Variants in CDH20 observed in about 807,000 individuals in gnomAD.
CDH20 encodes the protein cadherin-20.
Under a neutral mutation model 74.2 loss-of-function variants are expected in CDH20, and 29 were observed. The observed-to-expected ratio is 0.39, with a 90% confidence interval of 0.29 to 0.53. The LOEUF (loss-of-function observed/expected upper bound fraction) is 0.53, where lower values mean the gene tolerates loss of function less well. CDH20 is among the 20% of genes least tolerant of loss of function. The pLI is 0.69. For synonymous variants in CDH20, 469 were observed against 405.4 expected (o/e 1.16, Z -1.88); for missense variants, 988 against 1,048.3 (o/e 0.94, Z 0.79).
At position 61,555,489 on chromosome 18, in the gene CDH20, T is replaced by G. The variant is rs1029737322; in HGVS notation, c.*794T>G. 1.7e-5 allele frequency: 17 copies of G among 985,314 alleles called. No individual in the cohort carries two copies. Among genetic ancestry groups the G allele is most frequent in the African/African-American group, 3.5e-5 (2 of 57,252 alleles). 61.0% of individuals were successfully genotyped at this position (985,314 alleles called of 1,614,324 possible). Reference sequence around the variant, plus strand: ...TTTTGCACTGTAGATGTCTCTTCCATGTGCCAAATGTGGAGATTAGATGCT... The same window carrying G: ...TTTTGCACTGTAGATGTCTCTTCCAGGTGCCAAATGTGGAGATTAGATGCT... On this transcript the variant is annotated 3_prime_UTR_variant, in exon 12 of 12. Coordinates refer to ENST00000262717, the MANE Select transcript of CDH20 (RefSeq NM_031891.4).
At chr18:61,435,468 A>G (rs1908800092) in intron 1 of CDH20, among the ~76,000 whole-genome samples, 1 of 152,128 alleles carries the variant, frequency 6.6e-6, no homozygotes, top group Non-Finnish European at 1.5e-5. Flanking sequence ...TTCCCAGGAC[A>G]GTTTGCATCA....
chr18:61,375,933 C>CT (rs748925698), intron 1 of CDH20, among the ~76,000 whole-genome samples: 1 of 152,064 alleles, frequency 6.6e-6, no homozygotes, highest in Non-Finnish European at 1.5e-5. Context: ...TTTGTATAGA[C>CT]TTAATTATTT....
intron 1 of CDH20, among the ~76,000 whole-genome samples, chr18:61,460,184 G>A (rs537437961): frequency 6.6e-5 from 10 of 152,294 alleles, no homozygotes; most frequent in Non-Finnish European, 1.3e-4. Context: ...TGAGCTCACT[G>A]AAAGGGATTA....
intron 1 of CDH20, among the ~76,000 whole-genome samples, chr18:61,452,818 C>T (rs1280502696): frequency 6.6e-6 from 1 of 152,168 alleles, no homozygotes; most frequent in African/African-American, 2.4e-5. Context: ...AACTGTTTTA[C>T]ATTCTCCTTC....
intron 8 of CDH20, among the ~76,000 whole-genome samples, chr18:61,538,640 A>T (rs1334951965): frequency 5.4e-5 from 3 of 55,318 alleles, no homozygotes; most frequent in Non-Finnish European, 7.1e-5. Context: ...TTTTTTTGAG[A>T]CGGAGTCTTA....
At position 61,490,496 on chromosome 18, in the gene CDH20, A is replaced by G; in HGVS notation, c.-58A>G. The stretch of plus-strand genomic sequence containing the variant: ...CTGTGTATTTTTTTAAATTTGGAAA[A>G]TACTCAAGTTCCAGTTGCTTATCAT... On this transcript the variant is annotated 5_prime_UTR_variant, in exon 2 of 12. Transcript: ENST00000262717. 1 of 1,556,986 alleles carries G rather than the reference A, an allele frequency of 6.4e-7. No individual in the cohort carries two copies. The highest frequency in any genetic ancestry group is 8.8e-7 in the Non-Finnish European group (1 of 1,136,556).
chr18:61,473,358 CG>C lies in CDH20; in HGVS notation c.-152-17043del, dbSNP rs143961537. On this transcript the variant is annotated intron_variant, in intron 1 of 11. Transcript: ENST00000262717. ...TTTAACCTTCATTTACTTTTAATACCGTGAAGAGAAACGTTTGCAAAATCTT... is the reference window on the plus strand; with the variant it reads ...TTTAACCTTCATTTACTTTTAATACCTGAAGAGAAACGTTTGCAAAATCTT... 6.8e-4 allele frequency among the ~76,000 whole-genome samples: 103 copies of C among 152,146 alleles called. 2 individuals carry two copies. The East Asian group carries it at 0.018, about 27-fold the overall frequency.
intron 1 of CDH20, among the ~76,000 whole-genome samples, chr18:61,336,036 G>T (rs192423869): frequency 6.6e-6 from 1 of 152,288 alleles, no homozygotes; most frequent in Non-Finnish European, 1.5e-5. Context: ...CACCGGAAAG[G>T]CGTTGTGACT....
At chr18:61,387,251 G>A (rs1911629991) in intron 1 of CDH20, among the ~76,000 whole-genome samples, 1 of 152,176 alleles carries the variant, frequency 6.6e-6, no homozygotes, top group African/African-American at 2.4e-5. Flanking sequence ...CTGCAGCTCT[G>A]GAGCCCAGCT....
At position 61,511,303 on chromosome 18, in the gene CDH20, G is replaced by T. The variant is rs139739311; in HGVS notation, c.1017+3743G>T. On this transcript the variant is annotated intron_variant, in intron 6 of 11. Transcript: ENST00000262717. The stretch of plus-strand genomic sequence containing the variant: ...TGCTTGAGCCCAAGAGGTCAAGGCT[G>T]CAGTGAGCCATGATCATGCCACAGC... Among the ~76,000 whole-genome samples, 1,298 of 151,908 alleles carry T rather than the reference G, an allele frequency of 8.5e-3. 18 individuals are homozygous for T. The highest frequency in any genetic ancestry group is 0.059 in the South Asian group (280 of 4,782).
intron 1 of CDH20, chr18:61,404,864 T>A: frequency 2.1e-6 from 1 of 480,272 alleles, no homozygotes; most frequent in Non-Finnish European, 3.7e-6. Flanking sequence ...TGGTTTATTT[T>A]TCACCAGTCT....
At chr18:61,336,691 G>A (rs1043154191) in intron 1 of CDH20, among the ~76,000 whole-genome samples, 2 of 151,962 alleles carry the variant, frequency 1.3e-5, no homozygotes, top group South Asian at 2.1e-4. Context: ...GTTTGGCCAA[G>A]CATTTTTTTT....
intron 1 of CDH20, among the ~76,000 whole-genome samples, chr18:61,396,859 T>C (rs1400459167): frequency 6.6e-6 from 1 of 152,238 alleles, no homozygotes; most frequent in Admixed American, 6.5e-5. Context: ...GAAGCCTTCA[T>C]AGTAGTAAGA....
chr18:61,361,370 T>A (rs942075610), intron 1 of CDH20, among the ~76,000 whole-genome samples: 1 of 152,234 alleles, frequency 6.6e-6, no homozygotes, highest in African/African-American at 2.4e-5. Flanking sequence ...GTACCTTGTT[T>A]TCAATTATTA....
intron 6 of CDH20, among the ~76,000 whole-genome samples, chr18:61,517,964 G>A (rs1912063542): frequency 6.6e-6 from 1 of 152,072 alleles, no homozygotes; most frequent in South Asian, 2.1e-4. Context: ...TGAAGACTGA[G>A]TAGGCAGTTT....
chr18:61,510,009 GT>G (rs1259802981), intron 6 of CDH20, among the ~76,000 whole-genome samples: 8 of 152,204 alleles, frequency 5.3e-5, no homozygotes, highest in Admixed American at 5.2e-4. Context: ...TTGGAATTCA[GT>G]TCTGGACATA....
At chr18:61,541,585 A>C (rs1913040520) in intron 9 of CDH20, among the ~76,000 whole-genome samples, 2 of 152,242 alleles carry the variant, frequency 1.3e-5, no homozygotes, top group South Asian at 2.1e-4. Flanking sequence ...CTTCAAGTTC[A>C]GTCTGTCCCA....
intron 1 of CDH20, among the ~76,000 whole-genome samples, chr18:61,422,357 C>T (rs1227650224): frequency 6.6e-6 from 1 of 152,106 alleles, no homozygotes; most frequent in African/African-American, 2.4e-5. Context: ...ACATTGGCAT[C>T]TTCTGTCTTG....
At chr18:61,373,714 AG>A (rs1911118515) in intron 1 of CDH20, among the ~76,000 whole-genome samples, 1 of 152,152 alleles carries the variant, frequency 6.6e-6, no homozygotes, top group Admixed American at 6.5e-5. Flanking sequence ...ACTCATTTCC[AG>A]GAAATCACCA....
Sources: allele counts gnomAD v4.1 joint callset (sites outside exome capture counted in the v4.1 genomes callset), GRCh38; gene constraint gnomAD v4.1.1; transcripts MANE v1.5; gene names NCBI Gene and HGNC (gene_info 2026-07-23, HGNC 2026-07-21).